Variants in SLC35F3 observed in about 807,000 individuals in gnomAD.
The protein encoded by SLC35F3 is putative thiamine transporter SLC35F3.
Under a neutral mutation model 49.9 loss-of-function variants are expected in SLC35F3, and 25 were observed. The observed-to-expected ratio is 0.50, with a 90% confidence interval of 0.37 to 0.70. The LOEUF is 0.70. SLC35F3 is among the 30% of genes least tolerant of loss of function. The pLI is 0.00. For missense variants in SLC35F3, 525 were observed against 639.8 expected, an observed-to-expected ratio of 0.82 and a Z score of 1.94; for synonymous variants, 275 against 265.4, an observed-to-expected ratio of 1.04 and a Z score of -0.35.
At chr1:234,228,788 C>T (rs184387008) in intron 2 of SLC35F3, among the ~76,000 whole-genome samples, 84 of 152,160 alleles carry the variant, frequency 5.5e-4, no homozygotes, top group African/African-American at 1.7e-3. Flanking sequence ...AGGGAAAATG[C>T]GGCAGCCAAT....
intron 2 of SLC35F3, among the ~76,000 whole-genome samples, chr1:233,984,106 G>A (rs190953815): frequency 1.4e-4 from 22 of 152,254 alleles, no homozygotes; most frequent in African/African-American, 4.6e-4. Context: ...AAGATGAAGC[G>A]CATAGGTGCT....
chr1:234,313,886 G>T (rs1657419388), intron 4 of SLC35F3, among the ~76,000 whole-genome samples: 1 of 152,210 alleles, frequency 6.6e-6, no homozygotes, highest in Non-Finnish European at 1.5e-5. Context: ...TTAAAAGATA[G>T]AACTGGAAAC....
At chr1:234,101,057 A>G (rs1010585449) in intron 2 of SLC35F3, among the ~76,000 whole-genome samples, 2 of 151,812 alleles carry the variant, frequency 1.3e-5, no homozygotes, top group African/African-American at 4.8e-5. Context: ...GCCTCCTCCC[A>G]TACCTTTCCC....
At chr1:234,072,158 G>A (rs1664720793) in intron 2 of SLC35F3, among the ~76,000 whole-genome samples, 1 of 152,250 alleles carries the variant, frequency 6.6e-6, no homozygotes, top group Admixed American at 6.5e-5. Context: ...TAGAAGAATA[G>A]GACAATCCTA....
chr1:233,962,244 T>C (rs1472105226), intron 2 of SLC35F3, among the ~76,000 whole-genome samples: 1 of 152,244 alleles, frequency 6.6e-6, no homozygotes, highest in East Asian at 1.9e-4. Flanking sequence ...AACTTTGACA[T>C]AATATTATGA....
chr1:234,165,720 T>C (rs556889042), intron 2 of SLC35F3, among the ~76,000 whole-genome samples: 1 of 152,250 alleles, frequency 6.6e-6, no homozygotes, highest in African/African-American at 2.4e-5. Context: ...ATTTTTTTAT[T>C]TCAATAGCTT....
chr1:234,114,602 CTTTG>C (rs1271802675), intron 2 of SLC35F3, among the ~76,000 whole-genome samples: 1 of 152,116 alleles, frequency 6.6e-6, no homozygotes, highest in Non-Finnish European at 1.5e-5. Flanking sequence ...AAAAGAATGT[CTTTG>C]TTTGCTGAGA....
chr1:234,073,425 A>G (rs1396920783), intron 2 of SLC35F3, among the ~76,000 whole-genome samples: 1 of 152,200 alleles, frequency 6.6e-6, no homozygotes, highest in Non-Finnish European at 1.5e-5. Flanking sequence ...GATTACAGGC[A>G]TGAACCACCA....
intron 2 of SLC35F3, among the ~76,000 whole-genome samples, chr1:234,221,855 A>T (rs1481277944): frequency 6.6e-6 from 1 of 152,188 alleles, no homozygotes; most frequent in Non-Finnish European, 1.5e-5. Context: ...ATTATAATAG[A>T]TCTTCCATTG....
intron 2 of SLC35F3, among the ~76,000 whole-genome samples, chr1:234,008,662 A>G (rs1403451473): frequency 3.3e-5 from 5 of 152,222 alleles, no homozygotes; most frequent in Non-Finnish European, 7.3e-5. Flanking sequence ...CACTTGCTCT[A>G]GGAAGAGTTT....
chr1:234,086,722 G>A (rs1280435870), intron 2 of SLC35F3, among the ~76,000 whole-genome samples: 1 of 152,184 alleles, frequency 6.6e-6, no homozygotes, highest in Non-Finnish European at 1.5e-5. Context: ...GTGGTTGGCT[G>A]TTGTTGCTAG....
At chr1:234,142,243 G>T (rs1263310310) in intron 2 of SLC35F3, among the ~76,000 whole-genome samples, 1 of 152,184 alleles carries the variant, frequency 6.6e-6, no homozygotes, top group African/African-American at 2.4e-5. Context: ...GGAACTGTTT[G>T]CAGGGAGAAT....
chr1:234,215,855 C>T lies in SLC35F3; in HGVS notation c.284-15562C>T, dbSNP rs1004195539. ...CAAGGTGGGTTAACGTGTCCTAGAC[C>T]CACAGTTGGTAGGTGGTGAAGCAGG... On this transcript the variant is annotated intron_variant, in intron 2 of 7. Coordinates refer to ENST00000366618, the MANE Select transcript of SLC35F3 (RefSeq NM_173508.4). Among the ~76,000 whole-genome samples, 12 of 152,294 alleles carry T rather than the reference C, an allele frequency of 7.9e-5. No individual in the cohort carries two copies. In the East Asian group the frequency reaches 2.3e-3, roughly 29 times the overall value.
intron 2 of SLC35F3, among the ~76,000 whole-genome samples, chr1:234,077,468 T>C (rs1664809465): frequency 6.6e-6 from 1 of 151,980 alleles, no homozygotes; most frequent in Non-Finnish European, 1.5e-5. Context: ...AACCATTAGA[T>C]CTCCTGAAAA....
intron 2 of SLC35F3, among the ~76,000 whole-genome samples, chr1:233,953,174 G>A (rs1356386898): frequency 1.3e-5 from 2 of 152,014 alleles, no homozygotes; most frequent in African/African-American, 2.4e-5. Flanking sequence ...GAGAATAATG[G>A]CCAATAATAG....
At chr1:234,139,976 A>AAATAAAATAAAATAAAAT (rs1558240008) in intron 2 of SLC35F3, among the ~76,000 whole-genome samples, 1 of 139,638 alleles carries the variant, frequency 7.2e-6, no homozygotes, top group African/African-American at 2.6e-5. Context: ...AAATAAAATA[A>AAATAAAATAAAATAAAAT]AATAAAATAA....
intron 3 of SLC35F3, among the ~76,000 whole-genome samples, chr1:234,295,719 C>T (rs1417100210): frequency 6.6e-6 from 1 of 152,186 alleles, no homozygotes; most frequent in East Asian, 1.9e-4. Context: ...TAAATATACT[C>T]CTTTCTACCA....
intron 2 of SLC35F3, among the ~76,000 whole-genome samples, chr1:233,980,923 A>G (rs1443819235): frequency 6.6e-6 from 1 of 152,218 alleles, no homozygotes; most frequent in African/African-American, 2.4e-5. Flanking sequence ...ACTAGGTAAT[A>G]TTATTTCCCT....
At chr1:233,907,551 C>T (rs943448474) in intron 2 of SLC35F3, among the ~76,000 whole-genome samples, 3 of 152,204 alleles carry the variant, frequency 2.0e-5, no homozygotes, top group African/African-American at 7.2e-5. Context: ...ATTCCACTCT[C>T]TCTATTCCTG....
Sources: allele counts gnomAD v4.1 joint callset (sites outside exome capture counted in the v4.1 genomes callset), GRCh38; gene constraint gnomAD v4.1.1; transcripts MANE v1.5; gene names NCBI Gene and HGNC (gene_info 2026-07-23, HGNC 2026-07-21).